Variants in SV2C observed in about 807,000 individuals in gnomAD.
SV2C encodes solute carrier family 22 member B3.
SV2C carries 49 observed loss-of-function variants against 79.7 expected under a neutral mutation model. The observed-to-expected ratio is 0.61, with a 90% CI of 0.49 to 0.78. The LOEUF is 0.78. Ranked by LOEUF, SV2C falls within the 30% of genes least tolerant of loss-of-function variation. SV2C has a pLI of 0.00. For missense variants in SV2C, 833 were observed against 912.9 expected (o/e 0.91, Z 1.13); for synonymous variants, 334 against 333.2 (o/e 1.00, Z -0.03).
At chr5:76,231,142 A>G (rs1217655249) in intron 4 of SV2C, among the ~76,000 whole-genome samples, 1 of 152,194 alleles carries the variant, frequency 6.6e-6, no homozygotes, top group Non-Finnish European at 1.5e-5. Flanking sequence ...TCGTCAGTTC[A>G]GTTGTTTTTC....
Position 76,316,278 on chromosome 5 carries a change from C to T in SV2C, c.2001-9086C>T, listed in dbSNP as rs530544412. ...TAATTTCCTTTGTATATGAAACCCA[C>T]ATCAATTCAAAGAATGCAGACATCC... On this transcript the variant is annotated intron_variant, in intron 12 of 12. Transcript: ENST00000502798. Among the ~76,000 whole-genome samples the T allele has an allele frequency of 5.3e-5, 8 of 152,286 alleles. No homozygotes were observed. In the East Asian group the frequency reaches 1.5e-3, roughly 29 times the overall value.
At chr5:75,930,899 T>C in the SV2C span, among the ~76,000 whole-genome samples, 2 of 152,218 alleles carry the variant, frequency 1.3e-5, no homozygotes, top group South Asian at 4.2e-4. Context: ...TTTGGGAGGC[T>C]GAAGTGGGTG....
At chr5:75,960,508 A>G in the SV2C span, among the ~76,000 whole-genome samples, 1 of 152,040 alleles carries the variant, frequency 6.6e-6, no homozygotes, top group Non-Finnish European at 1.5e-5. Context: ...CAAATTGCCT[A>G]CAGTATTCAA....
chr5:76,067,240 A>G, the SV2C span, among the ~76,000 whole-genome samples: 1 of 151,586 alleles, frequency 6.6e-6, no homozygotes, highest in Non-Finnish European at 1.5e-5. Context: ...CCATTTACTT[A>G]CTGAGGTCTT....
At chr5:76,228,576 A>G (rs767959422) in intron 4 of SV2C, among the ~76,000 whole-genome samples, 5 of 152,144 alleles carry the variant, frequency 3.3e-5, no homozygotes, top group African/African-American at 4.8e-5. Flanking sequence ...CCACGGTTTT[A>G]TGTTTGAGAC....
At chr5:76,292,022 TA>T (rs1747583536) in intron 8 of SV2C, among the ~76,000 whole-genome samples, 166 bp downstream of exon 8, 1 of 152,188 alleles carries the variant, frequency 6.6e-6, no homozygotes, top group Non-Finnish European at 1.5e-5. Context: ...ATAAACCAGT[TA>T]TTTTATTTGT....
At chr5:76,272,608 GT>G (rs1253494028) in intron 4 of SV2C, among the ~76,000 whole-genome samples, 8 of 152,098 alleles carry the variant, frequency 5.3e-5, no homozygotes, top group African/African-American at 1.9e-4. Context: ...AAGGTGTTTT[GT>G]TTTGTTTTGT....
chr5:76,128,459 T>A (rs138579313), intron 1 of SV2C, among the ~76,000 whole-genome samples: 7 of 152,290 alleles, frequency 4.6e-5, no homozygotes, highest in African/African-American at 1.4e-4. Flanking sequence ...GGCCACTGCA[T>A]TTAATAAGAC....
the SV2C span, among the ~76,000 whole-genome samples, chr5:76,007,950 A>C: frequency 6.6e-6 from 1 of 152,182 alleles, no homozygotes; most frequent in Non-Finnish European, 1.5e-5. Context: ...TGTGTGACCA[A>C]GGATCCTTGC....
chr5:76,030,770 A>T, the SV2C span, among the ~76,000 whole-genome samples: 1 of 152,018 alleles, frequency 6.6e-6, no homozygotes, highest in Non-Finnish European at 1.5e-5. Flanking sequence ...TCAAAAAAAA[A>T]AGAAAGAAAA....
Position 76,201,747 on chromosome 5 carries a change from G to A in SV2C, c.761+6648G>A, listed in dbSNP as rs376110728. ...AAATTGAGGCACAGAGGCCGGGTACGGTGGCTCATGCCTGTAATCCCAGCA... is the reference window on the plus strand; with the variant it reads ...AAATTGAGGCACAGAGGCCGGGTACAGTGGCTCATGCCTGTAATCCCAGCA... On this transcript the variant is annotated intron_variant, in intron 3 of 12. Coordinates refer to ENST00000502798, the MANE Select transcript of SV2C (RefSeq NM_014979.4). 3.6e-3 allele frequency among the ~76,000 whole-genome samples: 548 copies of A among 152,134 alleles called. 1 individual carries two copies. The highest frequency in any genetic ancestry group is 8.9e-3 in the South Asian group (43 of 4,818).
At chr5:75,978,970 C>T in the SV2C span, among the ~76,000 whole-genome samples, 2 of 151,872 alleles carry the variant, frequency 1.3e-5, no homozygotes, top group East Asian at 1.9e-4. Context: ...CAACAAAGCA[C>T]GACCCTGTCT....
At chr5:76,007,483 C>G in the SV2C span, among the ~76,000 whole-genome samples, 1 of 152,072 alleles carries the variant, frequency 6.6e-6, no homozygotes, top group Non-Finnish European at 1.5e-5. Flanking sequence ...AGTTGGGGCT[C>G]TGGCATATCA....
At chr5:76,218,091 A>G (rs1455218200) in intron 4 of SV2C, among the ~76,000 whole-genome samples, 1 of 152,190 alleles carries the variant, frequency 6.6e-6, no homozygotes, top group African/African-American at 2.4e-5. Context: ...TGTTAACAGC[A>G]TGGGCTTAGA....
chr5:76,078,909 G>T (rs1746930653), upstream of SV2C: 6 of 556,718 alleles, frequency 1.1e-5, no homozygotes, highest in Admixed American at 1.2e-4. Context: ...ATGATGACTT[G>T]CAGGGCAAAG....
At chr5:76,142,903 C>CTTTTTTTTTTTTTTTTTTTTTTTTTTTT (rs372569739) in intron 2 of SV2C, among the ~76,000 whole-genome samples, 9 of 134,574 alleles carry the variant, frequency 6.7e-5, no homozygotes, top group Non-Finnish European at 1.1e-4. Flanking sequence ...TTTTCTTTTC[C>CTTTTTTTTTTTTTTTTTTTTTTTTTTTT]TTTTTTTTTG....
At chr5:75,898,192 A>C in the SV2C span, among the ~76,000 whole-genome samples, 2,484 of 152,206 alleles carry the variant, frequency 0.016, 33 homozygotes, top group African/African-American at 0.043. Context: ...TCAGTAAGAT[A>C]TTGGCTGTGG....
At chr5:76,062,647 T>G in the SV2C span, among the ~76,000 whole-genome samples, 4 of 152,082 alleles carry the variant, frequency 2.6e-5, no homozygotes, top group Non-Finnish European at 5.9e-5. Context: ...ACTGTGTAAT[T>G]TTCCTATGTT....
intron 4 of SV2C, among the ~76,000 whole-genome samples, chr5:76,247,173 G>A (rs1745971425): frequency 6.6e-6 from 1 of 152,216 alleles, no homozygotes; most frequent in African/African-American, 2.4e-5. Context: ...GACACACCTT[G>A]AAGAAGGACT....
Sources: gnomAD v4.1 joint callset for allele counts (sites outside exome capture counted in the v4.1 genomes callset) on GRCh38, gnomAD v4.1.1 for gene constraint, MANE v1.5 for transcripts, NCBI Gene and HGNC (gene_info 2026-07-23, HGNC 2026-07-21) for gene names.